Variants in LARGE1 observed in about 807,000 individuals in gnomAD.
LARGE1 encodes xylosyl- and glucuronyltransferase LARGE1.
Under a neutral mutation model 87.6 loss-of-function variants are expected in LARGE1, and 43 were observed. The ratio of observed to expected loss-of-function variants is 0.49; its 90% CI spans 0.38 to 0.63. LARGE1 has a LOEUF of 0.63. Ranked by LOEUF, LARGE1 falls within the 30% of genes least tolerant of loss-of-function variation. The pLI, the probability that LARGE1 is intolerant of heterozygous loss-of-function variation, is 0.00. For missense variants in LARGE1, 802 were observed against 1,000.2 expected, an observed-to-expected ratio of 0.80 and a Z score of 2.67; for synonymous variants, 434 against 394.6, an observed-to-expected ratio of 1.10 and a Z score of -1.18.
In LARGE1 at chr22:33,283,340, A is replaced by T; in HGVS notation, c.1739T>A (p.Val580Asp). 1 of 1,614,184 alleles carries T rather than the reference A, an allele frequency of 6.2e-7. No homozygotes were observed. The highest frequency in any genetic ancestry group is 1.1e-5 in the South Asian group (1 of 91,072). The part of the protein sequence containing the change: ...YGLYEYLRKS[V>D]IQLDLANTKK... ...GGTGTTGGCAAGATCGAGCTGGATG[A>T]CAGACTTCCTGAAAAGAGGGGACAG... is the stretch of plus-strand genomic sequence containing the variant. The change falls in exon 13 of 15, where the codon GTC becomes GAC. Residue 580 changes from valine (V) to aspartate (D), a missense_variant. By Grantham distance (152) the Val-to-Asp change is radical. This residue lies in a region of LARGE1 where 625 missense variants were observed against 841.9 expected (regional missense o/e 0.74). Transcript: ENST00000397394.
chr22:33,118,926 G>C, the LARGE1 span, among the ~76,000 whole-genome samples: 1 of 152,200 alleles, frequency 6.6e-6, no homozygotes, highest in Non-Finnish European at 1.5e-5. Context: ...AGGGCCTTTT[G>C]AATCTCGTCT....
chr22:33,195,431 T>C (rs73881990), intron 11 of LARGE1, among the ~76,000 whole-genome samples: 4,589 of 152,132 alleles, frequency 0.03, 96 homozygotes, highest in Admixed American at 0.056. Flanking sequence ...ATATTTGGGG[T>C]CATAAAATAA....
At chr22:33,427,902 A>G (rs1023429963) in intron 7 of LARGE1, among the ~76,000 whole-genome samples, 2 of 152,248 alleles carry the variant, frequency 1.3e-5, no homozygotes, top group Non-Finnish European at 2.9e-5. Context: ...AGCTTCCAAC[A>G]CAAACATCTC....
At chr22:33,370,683 A>T (rs1184097641) in intron 9 of LARGE1, among the ~76,000 whole-genome samples, 1 of 151,812 alleles carries the variant, frequency 6.6e-6, no homozygotes, top group African/African-American at 2.4e-5. Context: ...TACATGTATT[A>T]TGTTATATAA....
At chr22:33,376,900 C>A (rs1601629811) in intron 9 of LARGE1, among the ~76,000 whole-genome samples, 3 of 152,194 alleles carry the variant, frequency 2.0e-5, no homozygotes, top group Admixed American at 2.0e-4. Context: ...CGAGGAGCAC[C>A]CCACTTAAAC....
At chr22:33,593,488 C>T (rs9607059) in intron 5 of LARGE1, among the ~76,000 whole-genome samples, 12,943 of 152,224 alleles carry the variant, frequency 0.085, 683 homozygotes, top group African/African-American at 0.14. Context: ...CACCTACTCT[C>T]ACAGCACAGA....
intron 1 of LARGE1, among the ~76,000 whole-genome samples, chr22:33,867,536 G>A (rs536144598): frequency 5.9e-5 from 9 of 152,232 alleles, no homozygotes; most frequent in East Asian, 1.9e-4. Context: ...TATTATTCAC[G>A]ACAAGGGGCT....
chr22:33,476,159 T>C (rs910794596), intron 6 of LARGE1, among the ~76,000 whole-genome samples: 1 of 152,262 alleles, frequency 6.6e-6, no homozygotes, highest in Non-Finnish European at 1.5e-5. Context: ...TGTAAATTGA[T>C]AGCTGATTAG....
At chr22:33,427,800 T>A (rs2066931399) in intron 7 of LARGE1, among the ~76,000 whole-genome samples, 1 of 152,232 alleles carries the variant, frequency 6.6e-6, no homozygotes, top group Non-Finnish European at 1.5e-5. Context: ...GGTCCCCAGT[T>A]CATAAATGAG....
At chr22:33,398,282 G>A (rs1179046157) in intron 7 of LARGE1, among the ~76,000 whole-genome samples, 1 of 151,640 alleles carries the variant, frequency 6.6e-6, no homozygotes, top group Non-Finnish European at 1.5e-5. Flanking sequence ...AATGGCTTCA[G>A]GAAACTGAGG....
intron 7 of LARGE1, among the ~76,000 whole-genome samples, chr22:33,390,289 GC>G (rs2147195953): frequency 6.6e-6 from 1 of 152,318 alleles, no homozygotes; most frequent in Admixed American, 6.5e-5. Context: ...AGCTTCCTGA[GC>G]CTCCTCTAAT....
chr22:33,886,777 T>C (rs1035206200), intron 1 of LARGE1, among the ~76,000 whole-genome samples: 2 of 151,746 alleles, frequency 1.3e-5, no homozygotes. Context: ...ATTATTTTTA[T>C]AGTAAATGTT....
intron 2 of LARGE1, among the ~76,000 whole-genome samples, chr22:33,740,990 C>T (rs2083859673): frequency 6.6e-6 from 1 of 152,200 alleles, no homozygotes. Flanking sequence ...AGGCCTTGTG[C>T]AGAGCAATGT....
chr22:33,073,262 A>G, the LARGE1 span, among the ~76,000 whole-genome samples: 1 of 152,214 alleles, frequency 6.6e-6, no homozygotes, highest in Non-Finnish European at 1.5e-5. Context: ...ACAACTCTTT[A>G]GTACAATAAA....
rs538931186 is a variant in LARGE1 at position 33,198,619 on chromosome 22, G to A, written c.1731-31787C>T. ...CCCTCCCACCCTCCAAACTTTTATA[G>A]TATATATATACACCGTGACACACAC... On this transcript the variant is annotated intron_variant, in intron 11 of 11. Coordinates refer to the LARGE1 transcript ENST00000608642. 5.5e-4 allele frequency among the ~76,000 whole-genome samples: 78 copies of A among 141,262 alleles called. 1 individual carries two copies. The highest frequency in any genetic ancestry group is 2.1e-3 in the African/African-American group (78 of 36,788). 92.7% of individuals were successfully genotyped at this position (141,262 alleles called of 152,430 possible). A position where few individuals can be genotyped will look rare whatever the true frequency, so the allele number is the denominator to read the frequency against.
At chr22:33,854,789 T>C (rs2063709919) in intron 1 of LARGE1, among the ~76,000 whole-genome samples, 1 of 152,216 alleles carries the variant, frequency 6.6e-6, no homozygotes, top group African/African-American at 2.4e-5. Context: ...GAGTTAGCTG[T>C]TGAAACAGTT....
At chr22:33,819,663 T>C (rs574708514) in intron 1 of LARGE1, among the ~76,000 whole-genome samples, 1 of 152,282 alleles carries the variant, frequency 6.6e-6, no homozygotes, top group South Asian at 2.1e-4. Context: ...CCTCATTTAA[T>C]CCCCACCTCC....
chr22:33,252,394 A>T (rs1282157417), intron 11 of LARGE1, among the ~76,000 whole-genome samples: 3 of 152,036 alleles, frequency 2.0e-5, no homozygotes, highest in Non-Finnish European at 4.4e-5. Flanking sequence ...ATGAGTAGTA[A>T]TGTTGACTTC....
At chr22:33,887,035 A>G (rs1368420191) in intron 1 of LARGE1, among the ~76,000 whole-genome samples, 1 of 152,198 alleles carries the variant, frequency 6.6e-6, no homozygotes, top group Admixed American at 6.5e-5. Context: ...CGGTAATTAA[A>G]CAGAGACCTG....
Sources: allele counts gnomAD v4.1 joint callset (sites outside exome capture counted in the v4.1 genomes callset), GRCh38; gene constraint gnomAD v4.1.1; regional missense constraint gnomAD v4.1.1; transcripts MANE v1.5; gene names NCBI Gene and HGNC (gene_info 2026-07-23, HGNC 2026-07-21).